Variants in CNTN4 observed in about 807,000 individuals in gnomAD.
The protein encoded by CNTN4 is contactin 4, also known as contactin-4.
Under a neutral mutation model 122.5 loss-of-function variants are expected in CNTN4, and 77 were observed. The ratio of observed to expected loss-of-function variants is 0.63; its 90% CI spans 0.52 to 0.76. CNTN4 has a LOEUF of 0.76. Ranked by LOEUF, CNTN4 falls within the 30% of genes least tolerant of loss-of-function variation. CNTN4 has a pLI of 0.00. For missense variants in CNTN4, 1,256 were observed against 1,259.1 expected (o/e 1.00, Z 0.04); for synonymous variants, 512 against 447.0 (o/e 1.15, Z -1.83).
intron 4 of CNTN4, among the ~76,000 whole-genome samples, chr3:2,601,438 G>T (rs2149745747): frequency 6.6e-6 from 1 of 152,250 alleles, no homozygotes; most frequent in East Asian, 1.9e-4. Flanking sequence ...AGTTTTCTCA[G>T]AACCTTTATT....
chr3:2,654,237 G>A (rs543397716), intron 4 of CNTN4, among the ~76,000 whole-genome samples: 68 of 152,324 alleles, frequency 4.5e-4, no homozygotes, highest in African/African-American at 1.6e-3. Flanking sequence ...CTTGGCAATG[G>A]CCAGTTGTTT....
intron 4 of CNTN4, among the ~76,000 whole-genome samples, chr3:2,587,057 TA>T (rs2080236017): frequency 6.6e-6 from 1 of 152,188 alleles, no homozygotes; most frequent in South Asian, 2.1e-4. Context: ...CCCTCTGAGT[TA>T]AAATGAGTAA....
rs1312096851 is a variant in CNTN4, at chr3:2,576,269, A to G, written c.55+4711A>G. ...GTCTGGCACATAGTGCAATTCAATA[A>G]ATATTTTTCAAATGAATGAATGCTG... On this transcript the variant is annotated intron_variant, in intron 4 of 24. Transcript: ENST00000418658. Among the ~76,000 whole-genome samples the G allele has an allele frequency of 2.6e-5, 4 of 152,142 alleles. No individual in the cohort carries two copies. In the East Asian group the frequency reaches 7.7e-4, roughly 29 times the overall value.
At chr3:2,445,092 T>C (rs1451415202) in intron 3 of CNTN4, among the ~76,000 whole-genome samples, 2 of 152,164 alleles carry the variant, frequency 1.3e-5, no homozygotes, top group Admixed American at 6.6e-5. Context: ...TTAAGCCTAC[T>C]TGTATTTTCA....
Position 2,610,144 on chromosome 3 carries a change from C to T in CNTN4, c.55+38586C>T, listed in dbSNP as rs1391403997. 3.3e-5 allele frequency among the ~76,000 whole-genome samples: 5 copies of T among 151,784 alleles called. No homozygotes were observed. In the South Asian group the frequency reaches 8.3e-4, roughly 25 times the overall value. ...CACTCATTCCATATTGTCTATCACT[C>T]CCACTCTATTTTATTTTTCACCATA... On this transcript the variant is annotated intron_variant, in intron 4 of 24. Coordinates refer to ENST00000418658, the MANE Select transcript of CNTN4 (RefSeq NM_175607.3).
chr3:2,159,764 T>G (rs1389720695), intron 2 of CNTN4, among the ~76,000 whole-genome samples: 1 of 152,178 alleles, frequency 6.6e-6, no homozygotes, highest in African/African-American at 2.4e-5. Flanking sequence ...TATGTTTGAA[T>G]GGATTATGTT....
At chr3:2,778,757 C>G (rs916671607) in intron 6 of CNTN4, among the ~76,000 whole-genome samples, 1 of 151,998 alleles carries the variant, frequency 6.6e-6, no homozygotes, top group Non-Finnish European at 1.5e-5. Flanking sequence ...GGGAAGAAAA[C>G]AACACACATA....
intron 3 of CNTN4, among the ~76,000 whole-genome samples, chr3:2,459,336 T>G (rs2049117720): frequency 6.6e-6 from 1 of 152,122 alleles, no homozygotes; most frequent in African/African-American, 2.4e-5. Flanking sequence ...TGGCCACATG[T>G]GGACACATGC....
At chr3:2,797,578 A>C (rs980775963) in intron 6 of CNTN4, among the ~76,000 whole-genome samples, 4 of 152,184 alleles carry the variant, frequency 2.6e-5, no homozygotes, top group African/African-American at 4.8e-5. Context: ...AGCCTGGGCA[A>C]CAAGAGCGAA....
chr3:2,908,378 T>C (rs1371472365), intron 12 of CNTN4, among the ~76,000 whole-genome samples: 1 of 152,182 alleles, frequency 6.6e-6, no homozygotes, highest in Non-Finnish European at 1.5e-5. Context: ...TGGGTAAATA[T>C]AGAGGATAGC....
chr3:2,423,865 A>C (rs1252208124), intron 3 of CNTN4, among the ~76,000 whole-genome samples: 1 of 143,002 alleles, frequency 7.0e-6, no homozygotes, highest in African/African-American at 2.6e-5. Flanking sequence ...TGGGAGTAAT[A>C]GTTCTTATTT....
chr3:2,968,465 C>G (rs1027931797), intron 13 of CNTN4, among the ~76,000 whole-genome samples: 1 of 152,168 alleles, frequency 6.6e-6, no homozygotes, highest in Non-Finnish European at 1.5e-5. Flanking sequence ...TTGATGCACT[C>G]GACCATCCAG....
At chr3:2,997,489 G>C (rs904368306) in intron 14 of CNTN4, among the ~76,000 whole-genome samples, 1 of 152,158 alleles carries the variant, frequency 6.6e-6, no homozygotes, top group Non-Finnish European at 1.5e-5. Flanking sequence ...TTCCTGTTTT[G>C]GCATTTGTTT....
intron 13 of CNTN4, among the ~76,000 whole-genome samples, chr3:2,981,201 T>G (rs1295027641): frequency 6.6e-6 from 1 of 152,138 alleles, no homozygotes; most frequent in Non-Finnish European, 1.5e-5. Context: ...TACCAGCACT[T>G]TGGCAGGCCG....
At chr3:2,223,570 GAC>G (rs2039147034) in intron 2 of CNTN4, among the ~76,000 whole-genome samples, 1 of 152,156 alleles carries the variant, frequency 6.6e-6, no homozygotes, top group African/African-American at 2.4e-5. Flanking sequence ...GAAAAGAGTT[GAC>G]AGAGTAGGCC....
intron 7 of CNTN4, among the ~76,000 whole-genome samples, chr3:2,846,511 T>G (rs191502308): frequency 2.0e-5 from 3 of 152,314 alleles, no homozygotes; most frequent in Admixed American, 2.0e-4. Flanking sequence ...ATGTCTTTAT[T>G]AGCAGCATGA....
rs1372313721 is a variant in CNTN4 at position 2,444,474 on chromosome 3, C to T, written c.-89+105241C>T. ...GCAGCCTTCTTGGAAGCTCATTTAC[C>T]GTATTCGAGAAAGAGAAAGGCAACC... On this transcript the variant is annotated intron_variant, in intron 3 of 24. Coordinates refer to ENST00000418658, the MANE Select transcript of CNTN4 (RefSeq NM_175607.3). Among the ~76,000 whole-genome samples the T allele has an allele frequency of 4.6e-5, 7 of 152,080 alleles. 1 individual carries two copies. The South Asian group carries it at 1.0e-3, about 23-fold the overall frequency.
At chr3:2,947,634 T>C (rs28479201) in intron 13 of CNTN4, among the ~76,000 whole-genome samples, 1 of 152,242 alleles carries the variant, frequency 6.6e-6, no homozygotes, top group Non-Finnish European at 1.5e-5. Flanking sequence ...TTTGTTTTTC[T>C]TTTTGTCTTC....
chr3:2,428,548 G>C (rs542669652), intron 3 of CNTN4, among the ~76,000 whole-genome samples: 1 of 152,224 alleles, frequency 6.6e-6, no homozygotes, highest in Non-Finnish European at 1.5e-5. Context: ...ACAATTATGA[G>C]TCTTGGAGTT....
Sources: allele counts gnomAD v4.1 joint callset (sites outside exome capture counted in the v4.1 genomes callset), GRCh38; gene constraint gnomAD v4.1.1; transcripts MANE v1.5; gene names NCBI Gene and HGNC (gene_info 2026-07-23, HGNC 2026-07-21).